Variants in ST7L observed in about 807,000 individuals in gnomAD.
The protein encoded by ST7L is suppression of tumorigenicity 7 like.
In ST7L, 57 loss-of-function variants were observed where a neutral mutation model predicts 72.5. The observed-to-expected ratio is 0.79, with a 90% CI of 0.64 to 0.98. ST7L has a LOEUF of 0.98. Among genes scored for constraint, ST7L ranks in the 50% least tolerant of loss-of-function variants. The probability of loss-of-function intolerance (pLI) is 0.00; values close to 1 mark genes in which losing one functional copy is unlikely to be tolerated. For missense variants in ST7L, 576 were observed against 672.2 expected (o/e 0.86, Z 1.58); for synonymous variants, 221 against 240.9 (o/e 0.92, Z 0.77).
intron 5 of ST7L, among the ~76,000 whole-genome samples, chr1:112,593,628 A>G (rs1265235379): frequency 6.6e-6 from 1 of 152,088 alleles, no homozygotes; most frequent in East Asian, 1.9e-4. Flanking sequence ...TTCAAGTTCA[A>G]TTTTGCCCTA....
chr1:112,551,796 T>G (rs1658240684), intron 12 of ST7L, among the ~76,000 whole-genome samples: 1 of 152,224 alleles, frequency 6.6e-6, no homozygotes, highest in South Asian at 2.1e-4. Flanking sequence ...TCTTGGAAAC[T>G]GTGACTTTAA....
At chr1:112,544,170 C>T (rs770313088) in intron 13 of ST7L, among the ~76,000 whole-genome samples, 2 of 152,176 alleles carry the variant, frequency 1.3e-5, no homozygotes, top group East Asian at 1.9e-4. Context: ...GGAAGTTGAC[C>T]GCTTAGGGCT....
chr1:112,616,458 T>G (rs1006545856), intron 2 of ST7L, among the ~76,000 whole-genome samples: 2 of 152,094 alleles, frequency 1.3e-5, no homozygotes, highest in African/African-American at 4.8e-5. Flanking sequence ...ATAAAGGATC[T>G]TTAGGCCAGG....
intron 5 of ST7L, among the ~76,000 whole-genome samples, chr1:112,595,090 G>C (rs1666249037): frequency 6.6e-6 from 1 of 152,112 alleles, no homozygotes; most frequent in Non-Finnish European, 1.5e-5. Context: ...GGTAAGCTGG[G>C]CGTGGTCGCT....
intron 14 of ST7L, among the ~76,000 whole-genome samples, chr1:112,530,704 C>T (rs183633392): frequency 2.0e-3 from 310 of 152,270 alleles, no homozygotes; most frequent in African/African-American, 7.2e-3. Context: ...AGTGAGCCAC[C>T]GCACCCAGCC....
chr1:112,591,736 ATTAG>A, intron 5 of ST7L, 133 bp from the exon 6 acceptor site: 1 of 504,106 alleles, frequency 2.0e-6, no homozygotes, highest in Non-Finnish European at 3.4e-6. Flanking sequence ...AAACTAGGTT[ATTAG>A]TTCACATTAT....
At chr1:112,573,275 G>A (rs896542760) in intron 11 of ST7L, among the ~76,000 whole-genome samples, 6 of 150,716 alleles carry the variant, frequency 4.0e-5, no homozygotes, top group African/African-American at 1.5e-4. Context: ...CTGAACCCGG[G>A]AGGTGGAGGT....
Position 112,604,740 on chromosome 1 carries a change from C to T in ST7L, c.452-3892G>A, listed in dbSNP as rs181899608. Reference sequence around the variant, plus strand: ...CACTTGAGCCCAGGAGTTCAAGACCCCAGCCTGGGCAACATAGTGAGGCCT... The same window carrying T: ...CACTTGAGCCCAGGAGTTCAAGACCTCAGCCTGGGCAACATAGTGAGGCCT... On this transcript the variant is annotated intron_variant, in intron 3 of 14. Transcript: ENST00000358039. 5.7e-5 allele frequency among the ~76,000 whole-genome samples: 8 copies of T among 140,176 alleles called. No individual in the cohort carries two copies. In the East Asian group the frequency reaches 1.7e-3, roughly 30 times the overall value. The allele number at this position is 140,176 out of a possible 152,430, so 92.0% of individuals were successfully genotyped here.
At chr1:112,619,572 C>T (rs1670497098), upstream of ST7L, 4 of 529,494 alleles carry the variant, frequency 7.6e-6, no homozygotes, top group Non-Finnish European at 1.3e-5. Context: ...AATCGAAACA[C>T]GCTGCCAGCG....
intron 11 of ST7L, among the ~76,000 whole-genome samples, chr1:112,556,453 C>T (rs1396134323): frequency 6.6e-6 from 1 of 151,992 alleles, no homozygotes; most frequent in Non-Finnish European, 1.5e-5. Flanking sequence ...AATTTTGGAA[C>T]AATATTTGTG....
downstream of ST7L, chr1:112,520,164 C>A: frequency 9.9e-7 from 1 of 1,013,526 alleles, no homozygotes; most frequent in Non-Finnish European, 1.5e-6. Flanking sequence ...GAGTGAGCCA[C>A]TGTGCCCAGC....
At chr1:112,544,322 C>CTA (rs1366460275) in intron 13 of ST7L, among the ~76,000 whole-genome samples, 7 of 152,182 alleles carry the variant, frequency 4.6e-5, no homozygotes, top group Non-Finnish European at 4.4e-5. Flanking sequence ...CCTTCAACAG[C>CTA]TATATTTTAA....
intron 14 of ST7L, 181 bp downstream of exon 14, chr1:112,541,770 G>A (rs1656141161): frequency 7.6e-7 from 1 of 1,320,150 alleles, no homozygotes. Context: ...AGCAACAGAA[G>A]TAGCTCAAAT....
At chr1:112,538,710 G>A (rs556092990) in intron 14 of ST7L, among the ~76,000 whole-genome samples, 1 of 152,276 alleles carries the variant, frequency 6.6e-6, no homozygotes, top group East Asian at 1.9e-4. Flanking sequence ...ATGGAAAAAT[G>A]CATTTTGAGC....
intron 2 of ST7L, 64 bp downstream of exon 2, chr1:112,616,749 G>GAAA: frequency 4.9e-6 from 5 of 1,025,068 alleles, no homozygotes; most frequent in East Asian, 3.2e-5. Flanking sequence ...TCTCAAAAAA[G>GAAA]AAAAAAAAAA....
chr1:112,617,282 T>G (rs112608135), intron 1 of ST7L: 3,056 of 159,506 alleles, frequency 0.019, 103 homozygotes, highest in African/African-American at 0.069. Context: ...GCATATGTAT[T>G]TGGTATATCA....
At chr1:112,565,504 T>C (rs1660879808) in intron 11 of ST7L, among the ~76,000 whole-genome samples, 1 of 152,242 alleles carries the variant, frequency 6.6e-6, no homozygotes, top group South Asian at 2.1e-4. Flanking sequence ...AAGGGCTTCT[T>C]CTGTAAGACA....
chr1:112,536,559 A>T (rs969691905), intron 14 of ST7L, among the ~76,000 whole-genome samples: 2 of 152,148 alleles, frequency 1.3e-5, no homozygotes, highest in African/African-American at 4.8e-5. Context: ...GGGAAGAAAA[A>T]TTTTAATTAT....
In ST7L at chr1:112,547,551, T is replaced by A. The variant is rs955079855; in HGVS notation, c.1489+3050A>T. On this transcript the variant is annotated intron_variant, in intron 13 of 14. Coordinates refer to ENST00000358039, the MANE Select transcript of ST7L (RefSeq NM_017744.5). ...GTAGCACTTAACACATTGTCTGTCA[T>A]CTTTGTCATCTTTTTTTTTTTTTTT... Among the ~76,000 whole-genome samples, 3 of 144,090 alleles carry A rather than the reference T, an allele frequency of 2.1e-5. No individual in the cohort carries two copies. The Admixed American group carries it at 2.1e-4, about 10-fold the overall frequency. The allele number at this position is 144,090 out of a possible 152,430, so 94.5% of individuals were successfully genotyped here.
Sources: gnomAD v4.1 joint callset for allele counts (sites outside exome capture counted in the v4.1 genomes callset) on GRCh38, gnomAD v4.1.1 for gene constraint, MANE v1.5 for transcripts, NCBI Gene and HGNC (gene_info 2026-07-23, HGNC 2026-07-21) for gene names.